Variants in RECQL5 observed in about 807,000 individuals in gnomAD.
RECQL5 encodes the protein ATP-dependent DNA helicase Q5.
In RECQL5, 88 loss-of-function variants were observed where a neutral mutation model predicts 103.4. The ratio of observed to expected loss-of-function variants is 0.85; its 90% CI spans 0.72 to 1.02. The LOEUF is 1.02. Ranked by LOEUF, RECQL5 falls within the 50% of genes least tolerant of loss-of-function variation. The pLI is 0.00. For missense variants in RECQL5, 1,232 were observed against 1,284.3 expected, an observed-to-expected ratio of 0.96 and a Z score of 0.62; for synonymous variants, 552 against 507.9, an observed-to-expected ratio of 1.09 and a Z score of -1.17.
chr17:75,647,446 G>A (rs1356986659), intron 8 of RECQL5: 1 of 1,549,946 alleles, frequency 6.5e-7, no homozygotes, highest in Non-Finnish European at 8.7e-7. Context: ...GGACCAGGGG[G>A]GCCTGGCAGT....
chr17:75,655,380 T>A (rs2059605281), intron 7 of RECQL5, among the ~76,000 whole-genome samples: 1 of 151,616 alleles, frequency 6.6e-6, no homozygotes, highest in Admixed American at 6.6e-5. Flanking sequence ...CTTTTTTTTT[T>A]TGAGACAGAG....
At chr17:75,651,692 C>T (rs2059557591) in intron 7 of RECQL5, among the ~76,000 whole-genome samples, 1 of 152,180 alleles carries the variant, frequency 6.6e-6, no homozygotes, top group Non-Finnish European at 1.5e-5. Context: ...TGTATCATAA[C>T]CCCCAGACTA....
chr17:75,641,359 A>G (rs2059432007), intron 8 of RECQL5: 1 of 159,756 alleles, frequency 6.3e-6, no homozygotes, highest in Non-Finnish European at 1.4e-5. Flanking sequence ...TCAGTATTCT[A>G]GTCCAGTATT....
At position 75,662,611 on chromosome 17, in the gene RECQL5, A is replaced by T. The variant is rs781384539; in HGVS notation, c.639T>A (p.Val213=). The change falls in exon 4 of 20, where the codon GTT becomes GTA. Residue 213 remains valine, a synonymous_variant. Coordinates refer to ENST00000317905, the MANE Select transcript of RECQL5 (RefSeq NM_004259.7). ...VFAALHLKKP[V]AIFKTPCFRA... is the part of the protein sequence containing the mutation. Reference sequence around the variant, plus strand: ...GGAAGCAGGGAGTCTTGAAGATGGCAACTGGTTTCTTCAGGTGCAGGGCAG... The same window carrying T: ...GGAAGCAGGGAGTCTTGAAGATGGCTACTGGTTTCTTCAGGTGCAGGGCAG... 2 of 1,614,180 alleles carry T rather than the reference A, an allele frequency of 1.2e-6. No homozygotes were observed. Among genetic ancestry groups the T allele is most frequent in the South Asian group, 2.2e-5 (2 of 91,084 alleles).
At chr17:75,665,973 A>G (rs2059771869) in intron 2 of RECQL5, among the ~76,000 whole-genome samples, 1 of 152,236 alleles carries the variant, frequency 6.6e-6, no homozygotes, top group African/African-American at 2.4e-5. Flanking sequence ...GGAATTACCT[A>G]GGAGGCCAGT....
chr17:75,630,084 G>T, intron 14 of RECQL5, 100 bp downstream of exon 14: 1 of 1,118,922 alleles, frequency 8.9e-7, no homozygotes, highest in Non-Finnish European at 1.3e-6. Context: ...GGGAGGGTGA[G>T]TTCTGGGCTG....
chr17:75,654,041 C>A (rs533715710), intron 7 of RECQL5, among the ~76,000 whole-genome samples: 3 of 152,116 alleles, frequency 2.0e-5, no homozygotes, highest in Non-Finnish European at 4.4e-5. Context: ...GATTCTGTAC[C>A]CCCAACTTCC....
At position 75,640,910 on chromosome 17, in the gene RECQL5, G is replaced by A; in HGVS notation, c.1230-9242C>T. On this transcript the variant is annotated intron_variant, in intron 8 of 19. Transcript: ENST00000317905. The surrounding 1 kb of genome is among the most constrained non-coding windows in gnomAD (Gnocchi z 4.6). ...GACACCACCATGACGGACGGGCGAT[G>A]GCTGAGGAGAAGCTGGAGAGGAGAT... 4 of 1,541,296 alleles carry A rather than the reference G, an allele frequency of 2.6e-6. No individual in the cohort carries two copies. The highest frequency in any genetic ancestry group is 3.5e-6 in the Non-Finnish European group (4 of 1,146,532).
At position 75,636,922 on chromosome 17, in the gene RECQL5, C is replaced by G. The variant is rs956533944; in HGVS notation, c.1230-5254G>C. The G allele has an allele frequency of 6.6e-6, 1 of 152,226 alleles. No individual in the cohort carries two copies. Among genetic ancestry groups the G allele is most frequent in the Non-Finnish European group, 1.5e-5 (1 of 68,082 alleles). 9.4% of individuals were successfully genotyped at this position (152,226 alleles called of 1,614,324 possible). A position where few individuals can be genotyped will look rare whatever the true frequency, so the allele number is the denominator to read the frequency against. On this transcript the variant is annotated intron_variant, in intron 8 of 19. Coordinates refer to ENST00000317905, the MANE Select transcript of RECQL5 (RefSeq NM_004259.7). The surrounding 1 kb of genome is among the most constrained non-coding windows in gnomAD (Gnocchi z 5.4). ...CATGCCTGGCTGGCAAATTCAGCTT[C>G]CAGTCAGCCCCCTAGGGAAGCCCTG...
At chr17:75,650,561 T>C (rs2059541520) in intron 8 of RECQL5, 2 of 1,542,228 alleles carry the variant, frequency 1.3e-6, no homozygotes, top group Admixed American at 2.0e-5. Context: ...GACAGGATCA[T>C]TCCATGAGAT....
intron 5 of RECQL5, 43 bp from the exon 6 acceptor site, chr17:75,661,109 T>C (rs1255674298): frequency 6.6e-7 from 1 of 1,521,390 alleles, no homozygotes; most frequent in Non-Finnish European, 9.1e-7. Context: ...CACATTTCCC[T>C]TGGGTTTACC....
chr17:75,630,376 G>C (rs753243252), intron 13 of RECQL5, 99 bp from the exon 14 acceptor site: 105 of 1,142,934 alleles, frequency 9.2e-5, no homozygotes, highest in Non-Finnish European at 3.7e-5. Context: ...TAGGCCTTGG[G>C]CACAGGGATT....
In RECQL5 at chr17:75,640,639, C is replaced by T. The variant is rs897496155; in HGVS notation, c.1230-8971G>A. ...TGGCCCTGGCGGCTGGCATGGGGAC[C>T]GTCCGCACCTCTCACCAGCCTCTCG... On this transcript the variant is annotated intron_variant, in intron 8 of 19. Transcript: ENST00000317905. The surrounding 1 kb of genome is among the most constrained non-coding windows in gnomAD (Gnocchi z 4.6). 6.6e-6 allele frequency among the ~76,000 whole-genome samples: 1 copy of T among 152,134 alleles called. No homozygotes were observed.
chr17:75,661,566 C>G, intron 5 of RECQL5, 40 bp downstream of exon 5: 1 of 1,420,004 alleles, frequency 7.0e-7, no homozygotes, highest in South Asian at 1.2e-5. Flanking sequence ...TAAGAAGCCT[C>G]TGAGGGTGAA....
chr17:75,629,817 T>C lies in RECQL5; in HGVS notation c.1838A>G (p.Lys613Arg). 6.2e-7 allele frequency: 1 copy of C among 1,612,714 alleles called. No homozygotes were observed. Among genetic ancestry groups the C allele is most frequent in the Non-Finnish European group, 8.5e-7 (1 of 1,179,350 alleles). Residue 613 changes from lysine (K) to arginine (R), a missense_variant, in exon 15 of 20, where the codon AAG becomes AGG. Lys to Arg is a conservative substitution (Grantham distance 26, BLOSUM62 2). Coordinates refer to ENST00000317905, the MANE Select transcript of RECQL5 (RefSeq NM_004259.7). ...KKVADIHRAS[K>R]DGQPYDMGGS... ...TCCCATGTCATAGGGCTGCCCATCC[T>C]TGGAGGCTCTGTGGATATCGGCCAC... is the stretch of plus-strand genomic sequence containing the variant.
chr17:75,662,899 C>A lies in RECQL5; in HGVS notation c.351G>T (p.Glu117Asp). Residue 117 changes from glutamate to aspartate, a missense_variant, in exon 4 of 20, where the codon GAG becomes GAT. Physicochemically the swap from Glu to Asp is conservative, Grantham distance 45. Coordinates refer to ENST00000317905, the MANE Select transcript of RECQL5 (RefSeq NM_004259.7). ...QERKELLADL[E>D]REKPQTKILY... Reference sequence around the variant, plus strand: ...GAATCTTGGTCTGGGGCTTTTCTCGCTCCAGGTCAGCAAGCAGCTCCTTCC... The same window carrying A: ...GAATCTTGGTCTGGGGCTTTTCTCGATCCAGGTCAGCAAGCAGCTCCTTCC... 1 of 1,614,148 alleles carries A rather than the reference C, an allele frequency of 6.2e-7. No individual in the cohort carries two copies. The highest frequency in any genetic ancestry group is 1.3e-5 in the African/African-American group (1 of 75,044).
intron 8 of RECQL5, chr17:75,646,833 G>C (rs1868548820): frequency 6.5e-6 from 1 of 152,688 alleles, no homozygotes; most frequent in African/African-American, 2.4e-5. Context: ...ACCTGGCTAT[G>C]GGCTTGCAGT....
intron 8 of RECQL5, among the ~76,000 whole-genome samples, chr17:75,641,891 T>C (rs1273328252): frequency 6.6e-6 from 1 of 152,134 alleles, no homozygotes; most frequent in Non-Finnish European, 1.5e-5. Flanking sequence ...TCAACTTCCC[T>C]AAGCCGAACT....
rs372355133 is a variant in RECQL5, at chr17:75,628,408, C to T, written c.2615G>A (p.Arg872His). The T allele has an allele frequency of 7.0e-5, 113 of 1,613,666 alleles. No individual in the cohort carries two copies. The African/African-American group carries it at 7.9e-4, about 11-fold the overall frequency. ...NPESQPQKRP[R>H]PSAKPSVVAE... is the part of the protein sequence containing the mutation. ...TACGACGGAGGGCTTGGCTGAGGGG[C>T]GTGGCCTCTTCTGAGGCTGGCTCTC... The change falls in exon 18 of 20, where the codon CGC becomes CAC. Residue 872 changes from arginine (R) to histidine (H), a missense_variant. By Grantham distance (29) the Arg-to-His change is conservative. Coordinates refer to ENST00000317905, the MANE Select transcript of RECQL5 (RefSeq NM_004259.7).
Sources: gnomAD v4.1 joint callset for allele counts (sites outside exome capture counted in the v4.1 genomes callset) on GRCh38, gnomAD v4.1.1 for gene constraint, Gnocchi (gnomAD v3.1) non-coding constraint, MANE v1.5 for transcripts, NCBI Gene and HGNC (gene_info 2026-07-23, HGNC 2026-07-21) for gene names.